The following SPATA6L variants were observed in gnomAD, a reference collection of about 807,000 sequenced individuals.
SPATA6L encodes the protein spermatogenesis associated 6 like.
Under a neutral mutation model 49.2 loss-of-function variants are expected in SPATA6L, and 68 were observed. The ratio of observed to expected loss-of-function variants is 1.38; its 90% CI spans 1.14 to 1.69. SPATA6L has a LOEUF of 1.69. SPATA6L is among the 40% of genes most tolerant of loss of function. The probability of loss-of-function intolerance (pLI) is 0.00; values close to 1 mark genes in which losing one functional copy is unlikely to be tolerated. For missense variants in SPATA6L, 668 were observed against 464.3 expected, an observed-to-expected ratio of 1.44 and a Z score of -4.03; for synonymous variants, 198 against 165.7, an observed-to-expected ratio of 1.19 and a Z score of -1.50.
chr9:4,661,930 A>G lies in SPATA6L; in HGVS notation c.146T>C (p.Ile49Thr). ...AAATCTCATGCTCTCCTGAATCATA[A>G]TGGGGAACGCAGAGGGAAAGCTGTT... ...ETNSFPSAFP[I>T]MIQESMRFEK... Residue 49 changes from isoleucine to threonine, a missense_variant, in exon 2 of 12, where the codon ATT becomes ACT. Ile to Thr is a moderately conservative substitution (Grantham distance 89). Coordinates refer to ENST00000682582, the MANE Select transcript of SPATA6L (RefSeq NM_001353486.2). 1 of 1,613,968 alleles carries G rather than the reference A, an allele frequency of 6.2e-7. No homozygotes were observed. The highest frequency in any genetic ancestry group is 8.5e-7 in the Non-Finnish European group (1 of 1,179,864).
At chr9:4,650,250 T>A (rs1386725161) in intron 3 of SPATA6L, among the ~76,000 whole-genome samples, 2 of 152,218 alleles carry the variant, frequency 1.3e-5, no homozygotes, top group East Asian at 3.8e-4. Flanking sequence ...TCAGCTCACT[T>A]GGTACTTGTG....
intron 4 of SPATA6L, 72 bp downstream of exon 4, chr9:4,635,203 G>T: frequency 7.0e-7 from 1 of 1,425,958 alleles, no homozygotes. Flanking sequence ...ATCAAACCCT[G>T]TCAGGAATAA....
At chr9:4,664,507 G>T (rs1441899462) in intron 1 of SPATA6L, 2 of 166,974 alleles carry the variant, frequency 1.2e-5, no homozygotes, top group African/African-American at 4.8e-5. Context: ...GTTCATCCAT[G>T]GTGCCTCCCC....
chr9:4,662,422 C>G lies in SPATA6L; in HGVS notation c.40-386G>C. ...ATGGAGGGACGGCCGCTGGGCGTCT[C>G]CGCTTCGAGCAGCAGCAGCAGCCCC... is the stretch of plus-strand genomic sequence containing the variant. On this transcript the variant is annotated intron_variant, in intron 1 of 11. Transcript: ENST00000682582. The surrounding 1 kb of genome is among the most constrained non-coding windows in gnomAD (Gnocchi z 4.9). 2 of 1,539,788 alleles carry G rather than the reference C, an allele frequency of 1.3e-6. No individual in the cohort carries two copies. Among genetic ancestry groups the G allele is most frequent in the Non-Finnish European group, 1.7e-6 (2 of 1,151,184 alleles).
In SPATA6L at chr9:4,651,411, G is replaced by A. The variant is rs114327915; in HGVS notation, c.226+4630C>T. ...AAGCCCAGGTCCAGATGGCTTCACT[G>A]GTAAATACTACCTTAAGAATTAACA... is the stretch of plus-strand genomic sequence containing the variant. On this transcript the variant is annotated intron_variant, in intron 3 of 11. Coordinates refer to ENST00000682582, the MANE Select transcript of SPATA6L (RefSeq NM_001353486.2). Among the ~76,000 whole-genome samples, 178 of 152,152 alleles carry A rather than the reference G, an allele frequency of 1.2e-3. 1 individual carries two copies. Among genetic ancestry groups the A allele is most frequent in the African/African-American group, 4.1e-3 (172 of 41,518 alleles).
At chr9:4,624,633 C>A (rs1414590366) in intron 6 of SPATA6L, among the ~76,000 whole-genome samples, 2 of 149,646 alleles carry the variant, frequency 1.3e-5, no homozygotes, top group Non-Finnish European at 2.9e-5. Context: ...GAGGCTGAGG[C>A]AGGAGAATCA....
intron 9 of SPATA6L, among the ~76,000 whole-genome samples, chr9:4,605,721 T>C (rs1281099647): frequency 6.6e-6 from 1 of 151,970 alleles, no homozygotes; most frequent in African/African-American, 2.4e-5. Flanking sequence ...TTCAGATATT[T>C]CTCTCATGAA....
downstream of SPATA6L, among the ~76,000 whole-genome samples, chr9:4,597,357 C>T (rs1464860866): frequency 9.7e-6 from 1 of 103,292 alleles, no homozygotes; most frequent in Non-Finnish European, 2.4e-5. Context: ...CACACACACA[C>T]ACACACACAC....
At chr9:4,607,269 A>G (rs983986093) in intron 9 of SPATA6L, among the ~76,000 whole-genome samples, 22 of 152,214 alleles carry the variant, frequency 1.4e-4, no homozygotes, top group African/African-American at 3.1e-4. Flanking sequence ...GCAGGCCAAC[A>G]TTCAGATTCA....
chr9:4,634,662 T>G lies in SPATA6L; in HGVS notation c.351+613A>C, dbSNP rs569621794. ...GCCTTTTAAATGGAGATCATTCAAG[T>G]GATGGAAAAGTCAAGAAAATCGTCA... On this transcript the variant is annotated intron_variant, in intron 4 of 11. Transcript: ENST00000682582. Among the ~76,000 whole-genome samples, 885 of 152,264 alleles carry G rather than the reference T, an allele frequency of 5.8e-3. 9 individuals are homozygous for G. The highest frequency in any genetic ancestry group is 0.02 in the African/African-American group (833 of 41,552).
chr9:4,637,199 C>T (rs888362502), intron 3 of SPATA6L, among the ~76,000 whole-genome samples: 9 of 152,154 alleles, frequency 5.9e-5, no homozygotes, highest in African/African-American at 2.2e-4. Flanking sequence ...CCCTCAAACA[C>T]GCCAAGCTCT....
intron 2 of SPATA6L, among the ~76,000 whole-genome samples, chr9:4,657,278 G>A (rs780537304): frequency 6.6e-6 from 1 of 152,116 alleles, no homozygotes; most frequent in Non-Finnish European, 1.5e-5. Context: ...AAGCAAATGT[G>A]GGTAAGTGGG....
At chr9:4,611,828 A>C (rs1478716282) in intron 9 of SPATA6L, among the ~76,000 whole-genome samples, 2 of 152,152 alleles carry the variant, frequency 1.3e-5, no homozygotes, top group African/African-American at 4.8e-5. Context: ...TTTAATCCAA[A>C]AAATTTTAAT....
At chr9:4,593,998 A>G (rs1485776931), downstream of SPATA6L, among the ~76,000 whole-genome samples, 7 of 152,176 alleles carry the variant, frequency 4.6e-5, no homozygotes, top group Non-Finnish European at 1.0e-4. Context: ...CTCTATGCAG[A>G]TGATTAACAA....
chr9:4,618,062 A>G lies in SPATA6L; in HGVS notation c.856T>C (p.Ser286Pro). 3 of 1,613,934 alleles carry G rather than the reference A, an allele frequency of 1.9e-6. No individual in the cohort carries two copies. Among genetic ancestry groups the G allele is most frequent in the Non-Finnish European group, 2.5e-6 (3 of 1,179,936 alleles). The change falls in exon 9 of 12, where the codon TCA becomes CCA. Residue 286 changes from serine to proline, a missense_variant. By Grantham distance (74) the Ser-to-Pro change is moderately conservative (BLOSUM62 -1). Transcript: ENST00000682582. ...CCAAACTGACTTGAATCTAAACATG[A>G]TGATGAGTCACTCCTTAAAACAATC... ...ERIVLRSDSS[S>P]CLDSSQFGKS... is the part of the protein sequence containing the mutation.
At chr9:4,590,214 G>A (rs537770927) in intron 13 of SPATA6L, among the ~76,000 whole-genome samples, 27 of 152,278 alleles carry the variant, frequency 1.8e-4, no homozygotes, top group African/African-American at 3.9e-4. Flanking sequence ...TTGAACCACC[G>A]TGCCTGGCTG....
downstream of SPATA6L, among the ~76,000 whole-genome samples, chr9:4,594,354 C>T (rs561457427): frequency 5.9e-5 from 9 of 152,272 alleles, no homozygotes; most frequent in South Asian, 2.1e-4. Flanking sequence ...GGACTACAGG[C>T]GCCCGCCAGC....
At chr9:4,596,054 C>T (rs1257064766), downstream of SPATA6L, among the ~76,000 whole-genome samples, 1 of 152,220 alleles carries the variant, frequency 6.6e-6, no homozygotes, top group Non-Finnish European at 1.5e-5. Context: ...CTGCTTCTGA[C>T]AGTCACAAAT....
chr9:4,592,799 A>AT (rs1821994152), intron 13 of SPATA6L, among the ~76,000 whole-genome samples: 1 of 152,204 alleles, frequency 6.6e-6, no homozygotes, highest in Admixed American at 6.5e-5. Context: ...TAATAAATAA[A>AT]GAAGGTGAGA....
Sources: gnomAD v4.1 joint callset for allele counts (sites outside exome capture counted in the v4.1 genomes callset) on GRCh38, gnomAD v4.1.1 for gene constraint, Gnocchi (gnomAD v3.1) non-coding constraint, MANE v1.5 for transcripts, NCBI Gene and HGNC (gene_info 2026-07-23, HGNC 2026-07-21) for gene names.